GUCY1A2: variants seen among roughly 807,000 people sequenced by gnomAD.
GUCY1A2 encodes the protein guanylate cyclase 1 soluble subunit alpha 2.
Under a neutral mutation model 63.5 loss-of-function variants are expected in GUCY1A2, and 27 were observed. The observed-to-expected ratio is 0.43, with a 90% CI of 0.31 to 0.59. The LOEUF (loss-of-function observed/expected upper bound fraction) is 0.59. GUCY1A2 is among the 20% of genes least tolerant of loss of function. The probability of loss-of-function intolerance (pLI) is 0.11; values close to 1 mark genes in which losing one functional copy is unlikely to be tolerated. For missense variants in GUCY1A2, 768 were observed against 913.3 expected (o/e 0.84, Z 2.05); for synonymous variants, 364 against 343.5 (o/e 1.06, Z -0.66).
intron 5 of GUCY1A2, among the ~76,000 whole-genome samples, chr11:106,785,753 A>G (rs189352085): frequency 1.3e-5 from 2 of 152,246 alleles, no homozygotes; most frequent in African/African-American, 2.4e-5. Context: ...GAATCAAAAT[A>G]TGGATATAAG....
intron 6 of GUCY1A2, among the ~76,000 whole-genome samples, chr11:106,730,816 G>C (rs1863490563): frequency 6.6e-6 from 1 of 152,058 alleles, no homozygotes; most frequent in Admixed American, 6.6e-5. Flanking sequence ...ATTCTGACTG[G>C]TGTTAAATGG....
At chr11:106,821,706 A>G (rs1327041667) in intron 4 of GUCY1A2, among the ~76,000 whole-genome samples, 1 of 152,218 alleles carries the variant, frequency 6.6e-6, no homozygotes, top group Non-Finnish European at 1.5e-5. Context: ...TCCTCAGTGT[A>G]ATAGAGAGCC....
At chr11:106,885,651 T>C (rs1311673888) in intron 4 of GUCY1A2, among the ~76,000 whole-genome samples, 5 of 152,104 alleles carry the variant, frequency 3.3e-5, no homozygotes, top group African/African-American at 1.2e-4. Context: ...TAATTCCATT[T>C]CCCCACATAT....
chr11:107,006,827 GGACT>G (rs1210715574), intron 1 of GUCY1A2, among the ~76,000 whole-genome samples: 6 of 152,162 alleles, frequency 3.9e-5, no homozygotes, highest in Non-Finnish European at 7.3e-5. Flanking sequence ...GGATTATGAA[GGACT>G]GACTAACAAA....
chr11:106,697,741 G>T (rs1862744334), intron 7 of GUCY1A2, among the ~76,000 whole-genome samples: 1 of 152,156 alleles, frequency 6.6e-6, no homozygotes, highest in African/African-American at 2.4e-5. Context: ...AATTCTGAGA[G>T]TGAATAAATA....
At chr11:106,851,184 G>GTT (rs35831765) in intron 4 of GUCY1A2, among the ~76,000 whole-genome samples, 10 of 150,024 alleles carry the variant, frequency 6.7e-5, no homozygotes, top group East Asian at 5.9e-4. Flanking sequence ...TTTTAAATGG[G>GTT]TTTTTTTTTG....
In GUCY1A2 at chr11:106,914,887, T is replaced by C. The variant is rs376922200; in HGVS notation, c.1206+24573A>G. Among the ~76,000 whole-genome samples the C allele has an allele frequency of 2.0e-5, 3 of 151,966 alleles. No homozygotes were observed. The East Asian group carries it at 5.8e-4, about 29-fold the overall frequency. The stretch of plus-strand genomic sequence containing the variant: ...TCCATCTTCCAACAAGAAAAAAAGA[T>C]GAACAAACAGAAAATCAACAACTTT... On this transcript the variant is annotated intron_variant, in intron 4 of 7. Transcript: ENST00000526355.
At chr11:106,794,507 C>T (rs1393700939) in intron 5 of GUCY1A2, among the ~76,000 whole-genome samples, 1 of 151,712 alleles carries the variant, frequency 6.6e-6, no homozygotes, top group Non-Finnish European at 1.5e-5. Context: ...TACACACACA[C>T]ACACACACAC....
chr11:106,908,998 A>G (rs2119855460), intron 4 of GUCY1A2, among the ~76,000 whole-genome samples: 1 of 152,116 alleles, frequency 6.6e-6, no homozygotes, highest in South Asian at 2.1e-4. Context: ...TTGGGCATGG[A>G]AACAAGAAAA....
intron 7 of GUCY1A2, among the ~76,000 whole-genome samples, chr11:106,688,174 T>C (rs1477201784): frequency 6.6e-6 from 1 of 152,222 alleles, no homozygotes; most frequent in Non-Finnish European, 1.5e-5. Flanking sequence ...ACTCCTTTTA[T>C]GTTTGGTAAA....
intron 6 of GUCY1A2, among the ~76,000 whole-genome samples, chr11:106,726,322 A>C (rs1001215046): frequency 1.3e-5 from 2 of 152,076 alleles, no homozygotes; most frequent in Non-Finnish European, 2.9e-5. Flanking sequence ...GGGCTGAGGC[A>C]GGAGAATCGC....
chr11:106,907,720 A>T (rs1481529332), intron 4 of GUCY1A2, among the ~76,000 whole-genome samples: 1 of 152,034 alleles, frequency 6.6e-6, no homozygotes, highest in African/African-American at 2.4e-5. Flanking sequence ...CCATGTCCCT[A>T]CAAAGGACAT....
At chr11:106,727,312 C>T (rs1863424678) in intron 6 of GUCY1A2, among the ~76,000 whole-genome samples, 1 of 152,158 alleles carries the variant, frequency 6.6e-6, no homozygotes, top group South Asian at 2.1e-4. Flanking sequence ...AAGAGCTGTC[C>T]AAATTCAAGA....
At chr11:106,872,502 G>C (rs1859693430) in intron 4 of GUCY1A2, among the ~76,000 whole-genome samples, 1 of 152,092 alleles carries the variant, frequency 6.6e-6, no homozygotes, top group Non-Finnish European at 1.5e-5. Context: ...CTGAAGACTA[G>C]AAGATAAGGA....
chr11:106,705,253 T>C (rs934447130), intron 7 of GUCY1A2, among the ~76,000 whole-genome samples: 1 of 152,196 alleles, frequency 6.6e-6, no homozygotes, highest in Non-Finnish European at 1.5e-5. Flanking sequence ...GAGCTAGAGC[T>C]GTCTATGATT....
chr11:106,859,521 A>G (rs1484770957), intron 4 of GUCY1A2, among the ~76,000 whole-genome samples: 1 of 152,052 alleles, frequency 6.6e-6, no homozygotes, highest in Admixed American at 6.6e-5. Context: ...AGCATCTTTT[A>G]TGCAAAAGGC....
chr11:106,951,074 C>T (rs1273834099), intron 3 of GUCY1A2, among the ~76,000 whole-genome samples: 1 of 152,158 alleles, frequency 6.6e-6, no homozygotes, highest in Non-Finnish European at 1.5e-5. Context: ...CATGATCTCA[C>T]TCATTTTTAT....
chr11:107,000,310 T>C (rs1861596403), intron 1 of GUCY1A2, among the ~76,000 whole-genome samples: 1 of 152,176 alleles, frequency 6.6e-6, no homozygotes, highest in African/African-American at 2.4e-5. Flanking sequence ...AAATCTCTCT[T>C]CTCCAACTTC....
At chr11:106,729,153 T>C (rs1334036092) in intron 6 of GUCY1A2, among the ~76,000 whole-genome samples, 1 of 152,172 alleles carries the variant, frequency 6.6e-6, no homozygotes, top group East Asian at 1.9e-4. Context: ...AATTCCATAC[T>C]GCCACAAATT....
Sources: allele counts gnomAD v4.1 joint callset (sites outside exome capture counted in the v4.1 genomes callset), GRCh38; gene constraint gnomAD v4.1.1; transcripts MANE v1.5; gene names NCBI Gene and HGNC (gene_info 2026-07-23, HGNC 2026-07-21).